The following SRD5A1 variants were observed in gnomAD, a reference collection of about 807,000 sequenced individuals.
SRD5A1 encodes the protein steroid 5 alpha-reductase 1, also known as 3-oxo-5-alpha-steroid 4-dehydrogenase 1.
Under a neutral mutation model 28.2 loss-of-function variants are expected in SRD5A1, and 22 were observed. The observed-to-expected ratio is 0.78, with a 90% CI of 0.56 to 1.12. The LOEUF is 1.12. Ranked by LOEUF, SRD5A1 falls within the 50% of genes most tolerant of loss-of-function variation. The pLI, the probability that SRD5A1 is intolerant of heterozygous loss-of-function variation, is 0.00. For missense variants in SRD5A1, 300 were observed against 346.7 expected (o/e 0.87, Z 1.07); for synonymous variants, 151 against 135.0 (o/e 1.12, Z -0.82).
Position 6,669,344 on chromosome 5 carries a change from G to A in SRD5A1, c.*1076G>A, listed in dbSNP as rs545521820. On this transcript the variant is annotated 3_prime_UTR_variant, in exon 5 of 5. Coordinates refer to ENST00000274192, the MANE Select transcript of SRD5A1 (RefSeq NM_001047.4). ...TGTTTTGCTGTTGTTGCTTTGCAAA[G>A]CTTTCCCCTCATAGCCTGTACCTGT... 2.0e-5 allele frequency: 3 copies of A among 152,250 alleles called. No homozygotes were observed. Among genetic ancestry groups the A allele is most frequent in the African/African-American group, 7.2e-5 (3 of 41,546 alleles). 9.4% of individuals were successfully genotyped at this position (152,250 alleles called of 1,614,324 possible).
intron 3 of SRD5A1, among the ~76,000 whole-genome samples, chr5:6,662,060 G>T (rs1056324473): frequency 5.3e-5 from 8 of 152,088 alleles, no homozygotes; most frequent in Non-Finnish European, 1.0e-4. Context: ...GGTCTTTGGA[G>T]TGTGCCAGCC....
chr5:6,663,062 C>T, intron 4 of SRD5A1, 96 bp downstream of exon 4: 6 of 1,451,248 alleles, frequency 4.1e-6, no homozygotes, highest in Non-Finnish European at 4.7e-6. Context: ...ATTTAAATCG[C>T]TGAATTCCAG....
chr5:6,658,100 A>G (rs1269455304), intron 3 of SRD5A1, among the ~76,000 whole-genome samples: 1 of 152,154 alleles, frequency 6.6e-6, no homozygotes, highest in Non-Finnish European at 1.5e-5. Flanking sequence ...CGAGGTGGGC[A>G]GATCACATGA....
intron 1 of SRD5A1, among the ~76,000 whole-genome samples, chr5:6,643,858 T>G (rs2126530489): frequency 1.3e-5 from 2 of 152,350 alleles, no homozygotes. Context: ...GCCTTAAATG[T>G]TCTAGTTTTT....
At chr5:6,648,200 T>C (rs1738564347) in intron 1 of SRD5A1, among the ~76,000 whole-genome samples, 1 of 152,228 alleles carries the variant, frequency 6.6e-6, no homozygotes, top group Admixed American at 6.5e-5. Context: ...TCTCTCTGGC[T>C]GCCCTTAACA....
intron 1 of SRD5A1, among the ~76,000 whole-genome samples, chr5:6,647,536 C>T (rs1234504459): frequency 1.3e-5 from 2 of 151,932 alleles, no homozygotes; most frequent in African/African-American, 4.8e-5. Context: ...TGCCCTTCTT[C>T]GTCTCTTTTG....
intron 4 of SRD5A1, among the ~76,000 whole-genome samples, chr5:6,663,443 C>T (rs8192220): frequency 6.6e-6 from 1 of 152,176 alleles, no homozygotes; most frequent in East Asian, 1.9e-4. Context: ...AACCTGGGGT[C>T]CTTAATGGGC....
At position 6,668,381 on chromosome 5, in the gene SRD5A1, G is replaced by A; in HGVS notation, c.*113G>A. 5 of 663,240 alleles carry A rather than the reference G, an allele frequency of 7.5e-6. No homozygotes were observed. The highest frequency in any genetic ancestry group is 9.7e-6 in the Non-Finnish European group (4 of 413,762). The allele number at this position is 663,240 out of a possible 1,614,324, so 41.1% of individuals were successfully genotyped here. A position where few individuals can be genotyped will look rare whatever the true frequency, so the allele number is the denominator to read the frequency against. Reference sequence around the variant, plus strand: ...TTTCCTGCTACTTTATCATTTTCAAGATGTCCTCTAGGAATTTTTTTTCTA... The same window carrying A: ...TTTCCTGCTACTTTATCATTTTCAAAATGTCCTCTAGGAATTTTTTTTCTA... On this transcript the variant is annotated 3_prime_UTR_variant, in exon 5 of 5. Transcript: ENST00000274192.
At chr5:6,638,082 T>G (rs1333761034) in intron 1 of SRD5A1, among the ~76,000 whole-genome samples, 1 of 152,220 alleles carries the variant, frequency 6.6e-6, no homozygotes, top group Non-Finnish European at 1.5e-5. Context: ...CTCATGCCTG[T>G]AATCCCAGCA....
At chr5:6,644,860 C>T in intron 1 of SRD5A1, 1 of 456,028 alleles carries the variant, frequency 2.2e-6, no homozygotes, top group South Asian at 1.5e-5. Flanking sequence ...AATGCCAGCC[C>T]ATGGTACCCA....
chr5:6,648,453 ATTTC>A (rs1218282150), intron 1 of SRD5A1, among the ~76,000 whole-genome samples: 5 of 152,154 alleles, frequency 3.3e-5, no homozygotes, highest in Admixed American at 2.6e-4. Context: ...ATAGTACCAT[ATTTC>A]TTGGAGGCTT....
rs182007216 is a variant in SRD5A1 at position 6,651,599 on chromosome 5, G to A, written c.294-243G>A. On this transcript the variant is annotated intron_variant, in intron 1 of 4. Coordinates refer to ENST00000274192, the MANE Select transcript of SRD5A1 (RefSeq NM_001047.4). The stretch of plus-strand genomic sequence containing the variant: ...CGCTTAAGCCCTGGAGCTCAAGGCC[G>A]CAGTGAGCCATGATCAAGCCACTGT... Among the ~76,000 whole-genome samples, 118 of 152,264 alleles carry A rather than the reference G, an allele frequency of 7.7e-4. 1 individual carries two copies. The highest frequency in any genetic ancestry group is 2.7e-3 in the African/African-American group (113 of 41,540).
At chr5:6,648,060 T>A (rs1215717385) in intron 1 of SRD5A1, among the ~76,000 whole-genome samples, 1 of 152,106 alleles carries the variant, frequency 6.6e-6, no homozygotes, top group Non-Finnish European at 1.5e-5. Context: ...ATTCCAGATA[T>A]GAAAGAAAAG....
rs1336044374 is a variant in SRD5A1, at chr5:6,633,834, C to T, written c.258C>T (p.Ile86=). 61 of 1,597,602 alleles carry T rather than the reference C, an allele frequency of 3.8e-5. No individual in the cohort carries two copies. The highest frequency in any genetic ancestry group is 1.6e-4 in the Middle Eastern group (1 of 6,080). ...GTCTCCGCAGCGCGCCCAACTGCAT[C>T]CTCCTGGCCATGTTCCTCGTCCACT... ...APRLRSAPNC[I]LLAMFLVHYG... The change falls in exon 1 of 5, where the codon ATC becomes ATT. Residue 86 remains isoleucine (I), a synonymous_variant. Coordinates refer to ENST00000274192, the MANE Select transcript of SRD5A1 (RefSeq NM_001047.4).
Position 6,671,245 on chromosome 5 carries a change from C to A in SRD5A1, c.*2977C>A, listed in dbSNP as rs1739351079. 1 of 152,160 alleles carries A rather than the reference C, an allele frequency of 6.6e-6. No individual in the cohort carries two copies. The highest frequency in any genetic ancestry group is 2.4e-5 in the African/African-American group (1 of 41,426). The allele number at this position is 152,160 out of a possible 1,614,324, so 9.4% of individuals were successfully genotyped here. ...CGCACTGTAGTTTTTATTTGCATTT[C>A]CCTGATCATTAGTGATGTTGAGCAT... On this transcript the variant is annotated 3_prime_UTR_variant, in exon 5 of 5. Coordinates refer to ENST00000274192, the MANE Select transcript of SRD5A1 (RefSeq NM_001047.4).
intron 1 of SRD5A1, chr5:6,644,880 C>G (rs771167230): frequency 2.2e-6 from 1 of 455,890 alleles, no homozygotes; most frequent in African/African-American, 2.0e-5. Flanking sequence ...ATTGTCTGCC[C>G]GGATCTGAAT....
chr5:6,649,997 T>C (rs1738623727), intron 1 of SRD5A1, among the ~76,000 whole-genome samples: 1 of 152,208 alleles, frequency 6.6e-6, no homozygotes, highest in African/African-American at 2.4e-5. Flanking sequence ...CATTTTGCCT[T>C]TTCTAGAATT....
At chr5:6,666,003 T>C (rs1485179975) in intron 4 of SRD5A1, among the ~76,000 whole-genome samples, 2 of 152,220 alleles carry the variant, frequency 1.3e-5, no homozygotes, top group Non-Finnish European at 2.9e-5. Context: ...TGCAGAAGTA[T>C]GTTCAGAAAT....
At chr5:6,635,255 C>G (rs1241608368) in intron 1 of SRD5A1, among the ~76,000 whole-genome samples, 1 of 152,118 alleles carries the variant, frequency 6.6e-6, no homozygotes, top group Non-Finnish European at 1.5e-5. Flanking sequence ...AAGGGCAAGT[C>G]AACATTCATC....
Sources: gnomAD v4.1 joint callset for allele counts (sites outside exome capture counted in the v4.1 genomes callset) on GRCh38, gnomAD v4.1.1 for gene constraint, MANE v1.5 for transcripts, NCBI Gene and HGNC (gene_info 2026-07-23, HGNC 2026-07-21) for gene names.